Variants in XPNPEP2 observed in about 807,000 individuals in gnomAD.
The protein encoded by XPNPEP2 is xaa-Pro aminopeptidase 2.
XPNPEP2 carries 64 observed loss-of-function variants against 59.8 expected under a neutral mutation model. That is an observed-to-expected ratio of 1.07 (90% CI 0.87 to 1.32). The LOEUF is 1.32. Ranked by LOEUF, XPNPEP2 falls within the 40% of genes most tolerant of loss-of-function variation. The pLI, the probability that XPNPEP2 is intolerant of heterozygous loss-of-function variation, is 0.00. For missense variants in XPNPEP2, 575 were observed against 546.8 expected (o/e 1.05, Z -0.51); for synonymous variants, 235 against 210.0 (o/e 1.12, Z -1.03).
intron 1 of XPNPEP2, among the ~76,000 whole-genome samples, chrX:129,740,452 C>T (rs925506974): frequency 1.8e-5 from 2 of 109,932 alleles, no homozygotes; most frequent in Non-Finnish European, 3.8e-5. Flanking sequence ...CATGGTGAAA[C>T]ACTGTCTCTA....
chrX:129,767,969 G>C (rs1342552947), intron 20 of XPNPEP2, among the ~76,000 whole-genome samples: 2 of 111,841 alleles, frequency 1.8e-5, no homozygotes, highest in East Asian at 5.6e-4. Flanking sequence ...GGAACTATAA[G>C]TGATCCCTTC....
chrX:129,741,172 T>TGGGG (rs10664993), intron 1 of XPNPEP2, among the ~76,000 whole-genome samples: 19 of 88,379 alleles, frequency 2.1e-4, no homozygotes, highest in African/African-American at 7.3e-4. Context: ...CAATGAATAT[T>TGGGG]GGGGGGGGGT....
chrX:129,761,031 C>T, intron 16 of XPNPEP2, 141 bp from the exon 17 acceptor site: 1 of 517,741 alleles, frequency 1.9e-6, no homozygotes, highest in Middle Eastern at 4.5e-4. Flanking sequence ...CCCAACCCAA[C>T]ATCATTGCAT....
At chrX:129,750,710 G>A (rs897183181) in intron 8 of XPNPEP2, 141 bp downstream of exon 8, 16 of 500,335 alleles carry the variant, frequency 3.2e-5, no homozygotes, top group South Asian at 2.9e-4. Flanking sequence ...GCCACAGCCC[G>A]TGGGAACCAA....
intron 3 of XPNPEP2, among the ~76,000 whole-genome samples, chrX:129,744,820 G>A (rs1428451105): frequency 1.8e-5 from 2 of 111,965 alleles, no homozygotes; most frequent in Non-Finnish European, 3.8e-5. Context: ...AGTCTACTGT[G>A]CTTGACTCAG....
At chrX:129,757,889 G>GAAAGAA (rs1227332529) in intron 14 of XPNPEP2, among the ~76,000 whole-genome samples, 9 of 73,939 alleles carry the variant, frequency 1.2e-4, no homozygotes, top group East Asian at 1.2e-3. Context: ...GAGAGAGAGA[G>GAAAGAA]AGAGAGAAAG....
intron 19 of XPNPEP2, among the ~76,000 whole-genome samples, chrX:129,764,583 A>G (rs887566676): frequency 3.7e-5 from 4 of 107,975 alleles, no homozygotes; most frequent in Non-Finnish European, 7.7e-5. Flanking sequence ...TGAACCTGGG[A>G]GGCGGAGGTT....
At chrX:129,763,342 A>C (rs1206295444) in intron 19 of XPNPEP2, among the ~76,000 whole-genome samples, 4 of 112,443 alleles carry the variant, frequency 3.6e-5, no homozygotes. Context: ...TTGTAAAAAT[A>C]AACATGCGAA....
At position 129,746,283 on chromosome X, in the gene XPNPEP2, C is replaced by T. The variant is rs1444581969; in HGVS notation, c.346C>T (p.Arg116Cys). ...GAAAGCAGCTGTCTGGACCGACAGT[C>T]GCTACTGGACTCAGGCTGAGCGGCA... ...MKKAAVWTDS[R>C]YWTQAERQMD... The change falls in exon 5 of 21, where the codon CGC becomes TGC. Residue 116 changes from arginine (R) to cysteine (C), a missense_variant. Arg to Cys is a radical substitution (Grantham distance 180). Transcript: ENST00000371106. 1.7e-6 allele frequency: 2 copies of T among 1,211,253 alleles called. No individual in the cohort carries two copies. The highest frequency in any genetic ancestry group is 2.2e-6 in the Non-Finnish European group (2 of 895,468).
At chrX:129,745,151 G>T in intron 3 of XPNPEP2, 52 bp from the exon 4 acceptor site, 1 of 1,197,454 alleles carries the variant, frequency 8.4e-7, no homozygotes, top group Non-Finnish European at 1.1e-6. Flanking sequence ...GGCCTTTCAT[G>T]TGGGATCTGA....
chrX:129,745,761 G>T (rs1159328644), intron 4 of XPNPEP2, among the ~76,000 whole-genome samples: 1 of 111,714 alleles, frequency 9.0e-6, no homozygotes, highest in Non-Finnish European at 1.9e-5. Flanking sequence ...CCCATTGAAT[G>T]AAATCCAAGC....
intron 14 of XPNPEP2, among the ~76,000 whole-genome samples, chrX:129,757,371 C>T (rs760555455): frequency 5.4e-5 from 6 of 110,871 alleles, no homozygotes; most frequent in African/African-American, 2.0e-4. Flanking sequence ...GCACCACCAA[C>T]GTCATGCAGA....
chrX:129,739,229 T>C lies in XPNPEP2; in HGVS notation c.16T>C (p.Trp6Arg), dbSNP rs1602892239. Residue 6 changes from tryptophan (W) to arginine (R), a missense_variant, in exon 1 of 21, where the codon TGG becomes CGG. Trp to Arg is a moderately radical substitution (Grantham distance 101, BLOSUM62 -3). Transcript: ENST00000371106. ...TGGAGACCCTATGGCCCGGGCTCACTGGGGCTGCTGCCCCTGGCTGGTCCT... is the reference window on the plus strand; with the variant it reads ...TGGAGACCCTATGGCCCGGGCTCACCGGGGCTGCTGCCCCTGGCTGGTCCT... The part of the protein sequence containing the change: MARAH[W>R]GCCPWLVLLC... The C allele has an allele frequency of 8.3e-7, 1 of 1,209,900 alleles. No individual in the cohort carries two copies. The highest frequency in any genetic ancestry group is 1.7e-5 in the African/African-American group (1 of 57,795).
rs1177328187 is a variant in XPNPEP2, at chrX:129,751,782, C to T, written c.777C>T (p.Asn259=). ...FNLRASDIPY[N]PFFYSYTLLT... is the part of the protein sequence containing the mutation. ...TTCGAGCCAGTGACATCCCCTATAA[C>T]CCCTTCTTCTATTCCTACACGCTGC... is the stretch of plus-strand genomic sequence containing the variant. The change falls in exon 9 of 21, where the codon AAC becomes AAT. Residue 259 remains asparagine, a synonymous_variant. Transcript: ENST00000371106. 1.7e-6 allele frequency: 2 copies of T among 1,211,232 alleles called. No individual in the cohort carries two copies. Among genetic ancestry groups the T allele is most frequent in the South Asian group, 3.5e-5 (2 of 56,966 alleles).
Position 129,754,192 on chromosome X carries a change from C to G in XPNPEP2, c.1108-280C>G, listed in dbSNP as rs531089918. ...GGCCATTCTTGTCTTGTCTATAACCCCATGTTCATTACCACCACAACCACC... is the reference window on the plus strand; with the variant it reads ...GGCCATTCTTGTCTTGTCTATAACCGCATGTTCATTACCACCACAACCACC... On this transcript the variant is annotated intron_variant, in intron 11 of 20. Coordinates refer to ENST00000371106, the MANE Select transcript of XPNPEP2 (RefSeq NM_003399.6). Among the ~76,000 whole-genome samples the G allele has an allele frequency of 2.7e-5, 3 of 111,827 alleles. No individual in the cohort carries two copies. In the South Asian group the frequency reaches 1.1e-3, roughly 42 times the overall value.
rs985536769 is a variant in XPNPEP2, at chrX:129,738,990, C to T, written c.-224C>T. 2.8e-5 allele frequency: 12 copies of T among 426,086 alleles called. No homozygotes were observed. Among genetic ancestry groups the T allele is most frequent in the Non-Finnish European group, 4.5e-5 (11 of 245,548 alleles). 35.1% of individuals were successfully genotyped at this position (426,086 alleles called of 1,213,427 possible). On this transcript the variant is annotated 5_prime_UTR_variant, in exon 1 of 21. Coordinates refer to ENST00000371106, the MANE Select transcript of XPNPEP2 (RefSeq NM_003399.6). ...GACTAGGAACTTGCACAGTCCGCCT[C>T]GGGCAGCCCAAAGCTCCTCTGCCCA...
In XPNPEP2 at chrX:129,745,212, A is replaced by C. The variant is rs765304491; in HGVS notation, c.244A>C (p.Ile82Leu). ...GTTGTTGATTTCCTAGAACGAGTAC[A>C]TCGGCCAACATGACGAGAGGCGTGC... The part of the protein sequence containing the change: ...PGTDAHMNEY[I>L]GQHDERRAWI... The change falls in exon 4 of 21, where the codon ATC becomes CTC. Residue 82 changes from isoleucine (I) to leucine (L), a missense_variant. By Grantham distance (5) the Ile-to-Leu change is conservative (BLOSUM62 2). Transcript: ENST00000371106. 16 of 1,209,606 alleles carry C rather than the reference A, an allele frequency of 1.3e-5. No homozygotes were observed. Among genetic ancestry groups the C allele is most frequent in the Non-Finnish European group, 1.7e-5 (15 of 895,188 alleles).
chrX:129,745,109 C>G, intron 3 of XPNPEP2, 94 bp from the exon 4 acceptor site: 1 of 1,062,018 alleles, frequency 9.4e-7, no homozygotes, highest in East Asian at 3.1e-5. Flanking sequence ...GGGTTGGAGC[C>G]GACAGACAGA....
rs182466543 is a variant in XPNPEP2 at position 129,745,390 on chromosome X, A to G, written c.298+124A>G. 1.2e-3 allele frequency: 913 copies of G among 774,082 alleles called. 7 individuals carry two copies. In the African/African-American group the frequency reaches 0.018, roughly 15 times the overall value. 63.8% of individuals were successfully genotyped at this position (774,082 alleles called of 1,213,427 possible). A position where few individuals can be genotyped will look rare whatever the true frequency, so the allele number is the denominator to read the frequency against. ...AACCTACTGTAGAGAAAACCCTTCT[A>G]CTCTCTCTGTCTCCCTCCACCACCC... On this transcript the variant is annotated intron_variant, in intron 4 of 20. Coordinates refer to ENST00000371106, the MANE Select transcript of XPNPEP2 (RefSeq NM_003399.6).
Sources: allele counts gnomAD v4.1 joint callset (sites outside exome capture counted in the v4.1 genomes callset), GRCh38; gene constraint gnomAD v4.1.1; transcripts MANE v1.5; gene names NCBI Gene and HGNC (gene_info 2026-07-23, HGNC 2026-07-21).